The following CYP2S1 variants were observed in gnomAD, a reference collection of about 807,000 sequenced individuals.
CYP2S1 encodes cytochrome P450 family 2 subfamily S member 1, also known as cytochrome P450 2S1.
In CYP2S1, 32 loss-of-function variants were observed where a neutral mutation model predicts 43.5. The observed-to-expected ratio is 0.74, with a 90% CI of 0.56 to 0.99. CYP2S1 has a LOEUF of 0.99. Ranked by LOEUF, CYP2S1 falls within the 50% of genes least tolerant of loss-of-function variation. The probability of loss-of-function intolerance (pLI) is 0.00; values close to 1 mark genes in which losing one functional copy is unlikely to be tolerated. For synonymous variants in CYP2S1, 283 were observed against 302.9 expected (o/e 0.93, Z 0.68); for missense variants, 575 against 673.9 (o/e 0.85, Z 1.62).
In CYP2S1 at chr19:41,197,849, G is replaced by T; in HGVS notation, c.414G>T (p.Leu138=). The T allele has an allele frequency of 6.2e-7, 1 of 1,614,148 alleles. No individual in the cohort carries two copies. Among genetic ancestry groups the T allele is most frequent in the Middle Eastern group, 1.7e-4 (1 of 6,060 alleles). ...TTACCATGCTTGCTCTGCGGGACCT[G>T]GGCATGGGGAAGCGAGAAGGCGAGG... ...RKFTMLALRD[L]GMGKREGEEL... The change falls in exon 3 of 9, where the codon CTG becomes CTT. Residue 138 remains leucine, a synonymous_variant. Coordinates refer to ENST00000310054, the MANE Select transcript of CYP2S1 (RefSeq NM_030622.8).
rs562476399 is a variant in CYP2S1, at chr19:41,193,851, G to A, written c.177+410G>A. 3.0e-4 allele frequency: 50 copies of A among 165,152 alleles called. No homozygotes were observed. In the East Asian group the frequency reaches 7.4e-3, roughly 25 times the overall value. 10.2% of individuals were successfully genotyped at this position (165,152 alleles called of 1,614,324 possible). On this transcript the variant is annotated intron_variant, in intron 1 of 8. Transcript: ENST00000310054. ...GAAGAGGGCACAAAGAAGAAAAGGG[G>A]GAGGCGTCCCTGCGGGGAGTTGGAG...
At chr19:41,193,484 C>G in intron 1 of CYP2S1, 43 bp downstream of exon 1, 1 of 1,390,982 alleles carries the variant, frequency 7.2e-7, no homozygotes, top group Non-Finnish European at 9.4e-7. Flanking sequence ...TGGGAGGATT[C>G]CTGGGAGAGA....
In CYP2S1 at chr19:41,206,543, GT is replaced by G. The variant is rs1169279045; in HGVS notation, c.*56del. The G allele has an allele frequency of 6.3e-7, 1 of 1,597,572 alleles. No homozygotes were observed. On this transcript the variant is annotated 3_prime_UTR_variant, in exon 9 of 9. Transcript: ENST00000310054. ...CAGGACGGTGCCTCCAGCCTCAACAGTGGGCATGGACAGGGTTAATGTCTCC... is the reference window on the plus strand; with the variant it reads ...CAGGACGGTGCCTCCAGCCTCAACAGGGGCATGGACAGGGTTAATGTCTCC...
In CYP2S1 at chr19:41,193,262, G is replaced by T; in HGVS notation, c.-3G>T. The T allele has an allele frequency of 6.5e-7, 1 of 1,540,788 alleles. No homozygotes were observed. The stretch of plus-strand genomic sequence containing the variant: ...GGAGAGGAGAAGGAGCCGACCTGCC[G>T]AGATGGAGGCGACCGGCACCTGGGC... On this transcript the variant is annotated 5_prime_UTR_variant, in exon 1 of 9. Coordinates refer to ENST00000310054, the MANE Select transcript of CYP2S1 (RefSeq NM_030622.8).
At chr19:41,197,155 A>T (rs914257866) in intron 2 of CYP2S1, among the ~76,000 whole-genome samples, 1 of 152,058 alleles carries the variant, frequency 6.6e-6, no homozygotes, top group African/African-American at 2.4e-5. Flanking sequence ...AGATCGTGCC[A>T]TTGCACTCCA....
intron 7 of CYP2S1, among the ~76,000 whole-genome samples, chr19:41,204,217 C>CT (rs1458497846): frequency 1.3e-5 from 2 of 152,082 alleles, no homozygotes; most frequent in African/African-American, 4.8e-5. Flanking sequence ...TTTTCTTCCC[C>CT]TTTGACTCTA....
In CYP2S1 at chr19:41,207,065, C is replaced by A. The variant is rs2033591593; in HGVS notation, c.*577C>A. ...GTCCACACACCCCCAACCACTTGTC[C>A]ACACAGCTACCCACGTACGACATCG... On this transcript the variant is annotated 3_prime_UTR_variant, in exon 9 of 9. Coordinates refer to ENST00000310054, the MANE Select transcript of CYP2S1 (RefSeq NM_030622.8). 1 of 343,754 alleles carries A rather than the reference C, an allele frequency of 2.9e-6. No individual in the cohort carries two copies. Among genetic ancestry groups the A allele is most frequent in the Admixed American group, 3.9e-5 (1 of 25,630 alleles). 21.3% of individuals were successfully genotyped at this position (343,754 alleles called of 1,614,324 possible). A position where few individuals can be genotyped will look rare whatever the true frequency, so the allele number is the denominator to read the frequency against.
rs201118224 is a variant in CYP2S1 at position 41,203,519 on chromosome 19, G to T, written c.1046G>T (p.Arg349Leu). ...GQAPSLGDRT[R>L]LPYTDAVLHE... ...GCACCAAGCCTAGGGGACCGTACCC[G>T]CCTCCCTTACACCGACGCGGTTCTG... The change falls in exon 7 of 9, where the codon CGC becomes CTC. Residue 349 changes from arginine (R) to leucine (L), a missense_variant. Coordinates refer to ENST00000310054, the MANE Select transcript of CYP2S1 (RefSeq NM_030622.8). The T allele has an allele frequency of 6.2e-7, 1 of 1,603,946 alleles. No homozygotes were observed. The highest frequency in any genetic ancestry group is 8.5e-7 in the Non-Finnish European group (1 of 1,175,466).
At chr19:41,196,016 A>C (rs907536841) in intron 2 of CYP2S1, among the ~76,000 whole-genome samples, 9 of 152,016 alleles carry the variant, frequency 5.9e-5, no homozygotes, top group African/African-American at 2.2e-4. Flanking sequence ...AAGACAATAG[A>C]GGGAGGGAAT....
In CYP2S1 at chr19:41,197,719, G is replaced by T. The variant is rs895384355; in HGVS notation, c.344-60G>T. 648 of 1,579,758 alleles carry T rather than the reference G, an allele frequency of 4.1e-4. 9 individuals carry two copies. The Admixed American group carries it at 0.012, about 30-fold the overall frequency. ...CGTCTCAAAAAAAAAAAGAAAGAAA[G>T]GAAGAAGGGGGAATGGGGGAGAGGG... On this transcript the variant is annotated intron_variant, in intron 2 of 8. Coordinates refer to ENST00000310054, the MANE Select transcript of CYP2S1 (RefSeq NM_030622.8).
In CYP2S1 at chr19:41,198,350, G is replaced by A; in HGVS notation, c.494-112G>A. 2.2e-6 allele frequency: 3 copies of A among 1,391,890 alleles called. No individual in the cohort carries two copies. The East Asian group carries it at 6.8e-5, about 32-fold the overall frequency. 86.2% of individuals were successfully genotyped at this position (1,391,890 alleles called of 1,614,324 possible). A position where few individuals can be genotyped will look rare whatever the true frequency, so the allele number is the denominator to read the frequency against. The stretch of plus-strand genomic sequence containing the variant: ...GCCTGTTTAGCTCTCTCCCTGCGCT[G>A]TCCATCCATCTTTCCCTGCCTCCCT... On this transcript the variant is annotated intron_variant, in intron 3 of 8. Transcript: ENST00000310054. The surrounding 1 kb of genome is among the most constrained non-coding windows in gnomAD (Gnocchi z 4.9).
In CYP2S1 at chr19:41,193,306, G is replaced by A; in HGVS notation, c.42G>A (p.Ala14=). ...CCTGGGCGCTGCTGCTGGCGCTGGCGCTGCTCCTGCTGCTGACGCTGGCGC... is the reference window on the plus strand; with the variant it reads ...CCTGGGCGCTGCTGCTGGCGCTGGCACTGCTCCTGCTGCTGACGCTGGCGC... ...TGTWALLLAL[A]LLLLLTLALS... is the part of the protein sequence containing the mutation. The change falls in exon 1 of 9, where the codon GCG becomes GCA. Residue 14 remains alanine (A), a synonymous_variant. Coordinates refer to ENST00000310054, the MANE Select transcript of CYP2S1 (RefSeq NM_030622.8). The A allele has an allele frequency of 6.5e-7, 1 of 1,541,150 alleles. No individual in the cohort carries two copies. The highest frequency in any genetic ancestry group is 8.7e-7 in the Non-Finnish European group (1 of 1,144,194).
At position 41,198,007 on chromosome 19, in the gene CYP2S1, A is replaced by C. The variant is rs1599712915; in HGVS notation, c.493+79A>C. 1 of 1,496,476 alleles carries C rather than the reference A, an allele frequency of 6.7e-7. No homozygotes were observed. The highest frequency in any genetic ancestry group is 2.4e-5 in the Admixed American group (1 of 41,004). 92.7% of individuals were successfully genotyped at this position (1,496,476 alleles called of 1,614,324 possible). On this transcript the variant is annotated intron_variant, in intron 3 of 8. Coordinates refer to ENST00000310054, the MANE Select transcript of CYP2S1 (RefSeq NM_030622.8). This position sits in a 1 kb window ranked among gnomAD's most constrained non-coding sequence, Gnocchi z 4.9. ...TCCTACTGTGGCTGGGGGTGGCCCC[A>C]ACCCAGGTCCTGGAATGGGCAGGAG... is the stretch of plus-strand genomic sequence containing the variant.
intron 1 of CYP2S1, chr19:41,193,663 C>A: frequency 1.1e-6 from 1 of 934,656 alleles, no homozygotes; most frequent in Non-Finnish European, 1.4e-6. Flanking sequence ...GGTGGGGGAC[C>A]AGGGCTAGGA....
Position 41,198,908 on chromosome 19 carries a change from A to ACC in CYP2S1, c.834+24_834+25dup. 2 of 1,590,948 alleles carry ACC rather than the reference A, an allele frequency of 1.3e-6. No individual in the cohort carries two copies. Among genetic ancestry groups the ACC allele is most frequent in the Admixed American group, 1.7e-5 (1 of 58,516 alleles). On this transcript the variant is annotated intron_variant, in intron 5 of 8. Transcript: ENST00000310054. The surrounding 1 kb of genome is among the most constrained non-coding windows in gnomAD (Gnocchi z 4.9). ...GCACAGGTGTGGGAAGGGTGCAGGG[A>ACC]CCCCCTCTCTGAATGGGCGTGGTGA...
At chr19:41,205,430 C>T (rs1240669169) in intron 7 of CYP2S1, among the ~76,000 whole-genome samples, 18 of 114,874 alleles carry the variant, frequency 1.6e-4, no homozygotes, top group Admixed American at 1.4e-3. Context: ...CTCTCTCTCT[C>T]TCTTTCTTTC....
intron 5 of CYP2S1, among the ~76,000 whole-genome samples, chr19:41,200,933 C>G (rs1017868485): frequency 8.5e-5 from 13 of 152,124 alleles, no homozygotes; most frequent in Middle Eastern, 3.4e-3. Context: ...CAAAAATTAG[C>G]CAGGCATGGT....
intron 2 of CYP2S1, among the ~76,000 whole-genome samples, chr19:41,196,004 G>A (rs930398167): frequency 6.6e-6 from 1 of 152,092 alleles, no homozygotes; most frequent in Non-Finnish European, 1.5e-5. Flanking sequence ...TTATACTGCA[G>A]TAAGACAATA....
Position 41,206,641 on chromosome 19 carries a change from C to T in CYP2S1, c.*153C>T, listed in dbSNP as rs117353963. On this transcript the variant is annotated 3_prime_UTR_variant, in exon 9 of 9. Coordinates refer to ENST00000310054, the MANE Select transcript of CYP2S1 (RefSeq NM_030622.8). ...TCCGGAGTCTGTCCCACGGCCCACA[C>T]GCTCACTTGACTCATGCTGCTAAGA... 0.013 allele frequency: 12,287 copies of T among 961,126 alleles called. 121 individuals are homozygous for T. The highest frequency in any genetic ancestry group is 0.018 in the Non-Finnish European group (10,477 of 596,586). The allele number at this position is 961,126 out of a possible 1,614,324, so 59.5% of individuals were successfully genotyped here. A position where few individuals can be genotyped will look rare whatever the true frequency, so the allele number is the denominator to read the frequency against.
Sources: gnomAD v4.1 joint callset for allele counts (sites outside exome capture counted in the v4.1 genomes callset) on GRCh38, gnomAD v4.1.1 for gene constraint, Gnocchi (gnomAD v3.1) non-coding constraint, MANE v1.5 for transcripts, NCBI Gene and HGNC (gene_info 2026-07-23, HGNC 2026-07-21) for gene names.